Variants in ANXA3 observed in about 807,000 individuals in gnomAD.
ANXA3 encodes the protein 35-alpha calcimedin.
A neutral mutation model predicts 48.8 loss-of-function variants in ANXA3; 46 were observed. The observed-to-expected ratio is 0.94, with a 90% confidence interval of 0.74 to 1.21. The LOEUF is 1.21. Among genes scored for constraint, ANXA3 ranks in the 50% most tolerant of loss-of-function variants. The probability of loss-of-function intolerance (pLI) is 0.00; values close to 1 mark genes in which losing one functional copy is unlikely to be tolerated. For synonymous variants in ANXA3, 128 were observed against 134.7 expected (o/e 0.95, Z 0.35); for missense variants, 383 against 378.6 (o/e 1.01, Z -0.10).
intron 12 of ANXA3, among the ~76,000 whole-genome samples, chr4:78,607,128 G>C (rs1723664738): frequency 6.6e-6 from 1 of 152,170 alleles, no homozygotes; most frequent in South Asian, 2.1e-4. Flanking sequence ...GGTAATTGAG[G>C]CTTATTGTAT....
intron 2 of ANXA3, among the ~76,000 whole-genome samples, chr4:78,569,264 A>G (rs922231400): frequency 6.8e-6 from 1 of 147,150 alleles, no homozygotes; most frequent in Non-Finnish European, 1.5e-5. Context: ...ATCAAAGGCA[A>G]TTTTTTTTTT....
chr4:78,568,727 C>T (rs926432409), intron 2 of ANXA3, among the ~76,000 whole-genome samples: 7 of 152,180 alleles, frequency 4.6e-5, no homozygotes, highest in African/African-American at 1.7e-4. Flanking sequence ...ACAGACTGGC[C>T]TCTCCCAGGG....
Position 78,610,077 on chromosome 4 carries a change from G to A in ANXA3, c.934G>A (p.Glu312Lys), listed in dbSNP as rs745511445. 22 of 1,611,212 alleles carry A rather than the reference G, an allele frequency of 1.4e-5. No homozygotes were observed. Among genetic ancestry groups the A allele is most frequent in the Middle Eastern group, 1.7e-4 (1 of 6,044 alleles). ...GCAGTCGGATACTTCTGGAGACTAT[G>A]AAATCACACTCTTAAAAATCTGTGG... ...AIKSDTSGDY[E>K]ITLLKICGGD... The change falls in exon 13 of 13, where the codon GAA becomes AAA. Residue 312 changes from glutamate to lysine, a missense_variant. Physicochemically the swap from Glu to Lys is moderately conservative, Grantham distance 56 (BLOSUM62 1). Transcript: ENST00000264908.
chr4:78,578,806 A>G (rs1190099290), intron 3 of ANXA3, among the ~76,000 whole-genome samples: 1 of 150,442 alleles, frequency 6.6e-6, no homozygotes, highest in Non-Finnish European at 1.5e-5. Flanking sequence ...TCCCCCCAAA[A>G]CTATCCAAAT....
At chr4:78,562,280 C>T (rs937804273) in intron 2 of ANXA3, among the ~76,000 whole-genome samples, 3 of 152,160 alleles carry the variant, frequency 2.0e-5, no homozygotes, top group South Asian at 2.1e-4. Flanking sequence ...ACAGGTCTCA[C>T]ATGAATTATA....
chr4:78,581,513 AT>A lies in ANXA3; in HGVS notation c.199-663del, dbSNP rs752723152. Among the ~76,000 whole-genome samples, 9 of 152,326 alleles carry A rather than the reference AT, an allele frequency of 5.9e-5. No individual in the cohort carries two copies. The East Asian group carries it at 1.2e-3, about 20-fold the overall frequency. On this transcript the variant is annotated intron_variant, in intron 4 of 12. Coordinates refer to ENST00000264908, the MANE Select transcript of ANXA3 (RefSeq NM_005139.3). ...TATTGAATATTCCTAAAACAAAAAA[AT>A]GTTACATGTTTGAGATGATGGGTAT...
intron 2 of ANXA3, among the ~76,000 whole-genome samples, chr4:78,565,545 G>A (rs1439976395): frequency 2.0e-5 from 3 of 152,218 alleles, no homozygotes; most frequent in Non-Finnish European, 4.4e-5. Context: ...GGTTTCTGGT[G>A]GCTGATGATT....
At position 78,610,226 on chromosome 4, in the gene ANXA3, C is replaced by A; in HGVS notation, c.*111C>A. 1 of 626,686 alleles carries A rather than the reference C, an allele frequency of 1.6e-6. No individual in the cohort carries two copies. Among genetic ancestry groups the A allele is most frequent in the Non-Finnish European group, 2.7e-6 (1 of 373,558 alleles). The allele number at this position is 626,686 out of a possible 1,614,324, so 38.8% of individuals were successfully genotyped here. On this transcript the variant is annotated 3_prime_UTR_variant, in exon 13 of 13. Coordinates refer to ENST00000264908, the MANE Select transcript of ANXA3 (RefSeq NM_005139.3). The stretch of plus-strand genomic sequence containing the variant: ...CAAATATAAACAGCAACTTGTGTTC[C>A]TAACAGGAATTTTCATTGTTCTATA...
chr4:78,569,423 C>A (rs1230819674), intron 2 of ANXA3, among the ~76,000 whole-genome samples: 2 of 152,186 alleles, frequency 1.3e-5, no homozygotes, highest in Admixed American at 6.5e-5. Context: ...GCAGGCAATG[C>A]AAGCAGTCCT....
chr4:78,607,281 C>G (rs1169961489), intron 12 of ANXA3, among the ~76,000 whole-genome samples: 1 of 152,164 alleles, frequency 6.6e-6, no homozygotes, highest in Non-Finnish European at 1.5e-5. Context: ...TACATTTTTG[C>G]TATTGAAGAA....
intron 2 of ANXA3, among the ~76,000 whole-genome samples, chr4:78,566,071 G>T (rs1484219509): frequency 1.3e-5 from 2 of 152,180 alleles, no homozygotes; most frequent in Non-Finnish European, 2.9e-5. Context: ...TCAGACAAAG[G>T]TGAGTGCATC....
chr4:78,591,328 TC>T (rs1723291165), intron 6 of ANXA3, among the ~76,000 whole-genome samples: 1 of 152,200 alleles, frequency 6.6e-6, no homozygotes, highest in African/African-American at 2.4e-5. Flanking sequence ...GACAACTCTT[TC>T]TATTCTTTTG....
chr4:78,592,888 G>A (rs1723329082), intron 7 of ANXA3, among the ~76,000 whole-genome samples: 1 of 152,128 alleles, frequency 6.6e-6, no homozygotes, highest in East Asian at 1.9e-4. Context: ...CAAGAAGAAA[G>A]CAAACAGCAG....
At chr4:78,587,813 G>T (rs1723207983) in intron 6 of ANXA3, among the ~76,000 whole-genome samples, 1 of 152,190 alleles carries the variant, frequency 6.6e-6, no homozygotes, top group Admixed American at 6.5e-5. Flanking sequence ...TGCTTAAAGG[G>T]CCGGGTGCGG....
intron 2 of ANXA3, 35 bp downstream of exon 2, chr4:78,554,523 A>T: frequency 6.2e-7 from 1 of 1,604,784 alleles, no homozygotes; most frequent in Non-Finnish European, 8.5e-7. Flanking sequence ...ACACAGTAAC[A>T]TATATGAGTC....
At position 78,597,366 on chromosome 4, in the gene ANXA3, A is replaced by C. The variant is rs1723443683; in HGVS notation, c.682A>C (p.Ile228Leu). Residue 228 changes from isoleucine (I) to leucine (L), a missense_variant, in exon 10 of 13, where the codon ATA becomes CTA. Ile to Leu is a conservative substitution (Grantham distance 5). Transcript: ENST00000264908. ...NISQKDIVDS[I>L]KGELSGHFED... ...CAGCCAAAAGGACATTGTGGACAGC[A>C]TAAAAGGAGAATTATCTGGGCATTT... is the stretch of plus-strand genomic sequence containing the variant. 3.1e-6 allele frequency: 5 copies of C among 1,611,112 alleles called. No homozygotes were observed. In the South Asian group the frequency reaches 5.5e-5, roughly 18 times the overall value.
At chr4:78,597,508 C>A in intron 10 of ANXA3, 94 bp downstream of exon 10, 1 of 806,984 alleles carries the variant, frequency 1.2e-6, no homozygotes, top group Non-Finnish European at 2.0e-6. Flanking sequence ...CCTGACTGAT[C>A]CATTTTTTTT....
chr4:78,582,123 A>G (rs1314098146), intron 4 of ANXA3, 54 bp from the exon 5 acceptor site: 12 of 1,212,042 alleles, frequency 9.9e-6, no homozygotes, highest in Non-Finnish European at 1.5e-5. Flanking sequence ...AGGTGACTTT[A>G]GAGAAAGAGA....
intron 3 of ANXA3, among the ~76,000 whole-genome samples, chr4:78,576,928 T>C (rs761549855): frequency 5.3e-5 from 8 of 152,090 alleles, no homozygotes; most frequent in Non-Finnish European, 8.8e-5. Flanking sequence ...CTGCAGGTAG[T>C]TTGGTATAGT....
Sources: allele counts gnomAD v4.1 joint callset (sites outside exome capture counted in the v4.1 genomes callset), GRCh38; gene constraint gnomAD v4.1.1; transcripts MANE v1.5; gene names NCBI Gene and HGNC (gene_info 2026-07-23, HGNC 2026-07-21).